Variants in FER observed in about 807,000 individuals in gnomAD.
The protein encoded by FER is tyrosine-protein kinase Fer.
A neutral mutation model predicts 111.0 loss-of-function variants in FER; 63 were observed. That is an observed-to-expected ratio of 0.57 (90% CI 0.46 to 0.70). The LOEUF is 0.70. FER is among the 30% of genes least tolerant of loss of function. The pLI is 0.00. For missense variants in FER, 914 were observed against 954.0 expected, an observed-to-expected ratio of 0.96 and a Z score of 0.55; for synonymous variants, 327 against 313.9, an observed-to-expected ratio of 1.04 and a Z score of -0.44.
At chr5:108,792,463 G>A (rs755138648) in intron 2 of FER, among the ~76,000 whole-genome samples, 3 of 151,676 alleles carry the variant, frequency 2.0e-5, no homozygotes, top group Non-Finnish European at 2.9e-5. Flanking sequence ...CTCAGCCTCC[G>A]AGTAGCTGGG....
At chr5:109,074,338 C>A (rs72792521) in intron 16 of FER, among the ~76,000 whole-genome samples, 4,251 of 152,214 alleles carry the variant, frequency 0.028, 87 homozygotes, top group Middle Eastern at 0.11. Flanking sequence ...AATCACAGCC[C>A]TATAGTGAAA....
At chr5:108,769,690 AAGAG>A (rs1039225229) in intron 2 of FER, among the ~76,000 whole-genome samples, 17 of 152,050 alleles carry the variant, frequency 1.1e-4, no homozygotes, top group Middle Eastern at 3.4e-3. Context: ...TGGGCATGGA[AAGAG>A]AGAGAGAGAA....
rs1163155945 is a variant in FER, at chr5:109,034,239, A to C, written c.1657-3183A>C. ...AACTTAGACTGGATAATTTCTGTAG[A>C]TCTATTGATCAATTATCTAAGGACA... On this transcript the variant is annotated intron_variant, in intron 13 of 19. Coordinates refer to ENST00000281092, the MANE Select transcript of FER (RefSeq NM_005246.4). Among the ~76,000 whole-genome samples, 3 of 151,944 alleles carry C rather than the reference A, an allele frequency of 2.0e-5. No individual in the cohort carries two copies. The East Asian group carries it at 5.8e-4, about 29-fold the overall frequency.
At chr5:108,883,278 C>T in intron 8 of FER, 118 bp from the exon 9 acceptor site, 1 of 922,600 alleles carries the variant, frequency 1.1e-6, no homozygotes, top group Non-Finnish European at 1.5e-6. Flanking sequence ...TAGTTTGAAT[C>T]AGATTATATG....
At chr5:108,907,151 G>A (rs1581147834) in intron 10 of FER, among the ~76,000 whole-genome samples, 1 of 152,110 alleles carries the variant, frequency 6.6e-6, no homozygotes, top group African/African-American at 2.4e-5. Flanking sequence ...ATACAATTAG[G>A]AAGGTGCTTA....
chr5:108,772,921 A>G (rs1753082447), intron 2 of FER, among the ~76,000 whole-genome samples: 1 of 152,252 alleles, frequency 6.6e-6, no homozygotes, highest in Admixed American at 6.5e-5. Flanking sequence ...GAAGTAGATT[A>G]AAATGCAAAT....
At chr5:108,785,347 C>T (rs554707748) in intron 2 of FER, 3 of 574,950 alleles carry the variant, frequency 5.2e-6, no homozygotes, top group East Asian at 8.6e-5. Context: ...GCTACTGGCT[C>T]TGTGCTGCCA....
chr5:108,898,839 T>C (rs967194266), intron 10 of FER, among the ~76,000 whole-genome samples: 1 of 151,466 alleles, frequency 6.6e-6, no homozygotes, highest in Non-Finnish European at 1.5e-5. Context: ...TGGGTAGAGA[T>C]TGGTGATGCT....
chr5:109,014,715 C>G (rs1284811405), intron 13 of FER: 1 of 152,160 alleles, frequency 6.6e-6, no homozygotes, highest in Non-Finnish European at 1.5e-5. Context: ...TACCCATGAA[C>G]ATGGAATATT....
chr5:109,010,114 C>T (rs970678640), intron 13 of FER, among the ~76,000 whole-genome samples: 1 of 152,138 alleles, frequency 6.6e-6, no homozygotes, highest in Non-Finnish European at 1.5e-5. Context: ...ATTAAACAGT[C>T]TACTATATTT....
At chr5:108,860,676 G>C (rs1292691987) in intron 5 of FER, among the ~76,000 whole-genome samples, 1 of 152,206 alleles carries the variant, frequency 6.6e-6, no homozygotes, top group Non-Finnish European at 1.5e-5. Flanking sequence ...TTCATACTCA[G>C]TGTGCCTAGG....
chr5:109,055,685 G>A (rs1304269397), intron 16 of FER, among the ~76,000 whole-genome samples: 1 of 151,164 alleles, frequency 6.6e-6, no homozygotes, highest in Non-Finnish European at 1.5e-5. Flanking sequence ...TACTCAGGAG[G>A]CTGAGATGGA....
intron 5 of FER, among the ~76,000 whole-genome samples, chr5:108,845,271 A>G (rs1279673681): frequency 6.6e-6 from 1 of 151,082 alleles, no homozygotes; most frequent in East Asian, 2.0e-4. Context: ...TCTCAGGTTC[A>G]GGCGATTCTC....
chr5:109,030,300 T>C (rs942921345), intron 13 of FER, among the ~76,000 whole-genome samples: 2 of 152,208 alleles, frequency 1.3e-5, no homozygotes, highest in African/African-American at 2.4e-5. Context: ...CAACATCAGA[T>C]CCATCCCACT....
At chr5:109,082,033 T>C (rs975065811) in intron 16 of FER, among the ~76,000 whole-genome samples, 7 of 141,640 alleles carry the variant, frequency 4.9e-5, no homozygotes, top group Non-Finnish European at 6.3e-5. Context: ...TATCTTATTA[T>C]AGTTTATGTA....
chr5:108,867,742 T>C (rs764453133), intron 5 of FER, 25 bp from the exon 6 acceptor site: 1 of 1,588,082 alleles, frequency 6.3e-7, no homozygotes, highest in South Asian at 1.2e-5. Flanking sequence ...CTTTACTAAC[T>C]TTCTTCAGTT....
chr5:108,934,810 C>G (rs528914237), intron 10 of FER, among the ~76,000 whole-genome samples: 1 of 152,174 alleles, frequency 6.6e-6, no homozygotes, highest in South Asian at 2.1e-4. Flanking sequence ...ATCTTTGGGA[C>G]TACAGCTATA....
intron 16 of FER, among the ~76,000 whole-genome samples, chr5:109,061,404 G>A (rs1359896945): frequency 6.6e-6 from 1 of 151,956 alleles, no homozygotes; most frequent in East Asian, 1.9e-4. Context: ...CATTATGTCA[G>A]TTATTCTACT....
At chr5:108,772,985 T>C (rs894372425) in intron 2 of FER, among the ~76,000 whole-genome samples, 2 of 152,210 alleles carry the variant, frequency 1.3e-5, no homozygotes, top group African/African-American at 2.4e-5. Context: ...TCAGAAAAGA[T>C]TTAATTAAAT....
Sources: gnomAD v4.1 joint callset for allele counts (sites outside exome capture counted in the v4.1 genomes callset) on GRCh38, gnomAD v4.1.1 for gene constraint, MANE v1.5 for transcripts, NCBI Gene and HGNC (gene_info 2026-07-23, HGNC 2026-07-21) for gene names.